BEND3: variants seen among roughly 807,000 people sequenced by gnomAD.
The protein encoded by BEND3 is BEN domain containing 3.
Under a neutral mutation model 60.1 loss-of-function variants are expected in BEND3, and 13 were observed. The ratio of observed to expected loss-of-function variants is 0.22; its 90% CI spans 0.14 to 0.34. The LOEUF (loss-of-function observed/expected upper bound fraction) is 0.34, where lower values mean the gene tolerates loss of function less well. Among genes scored for constraint, BEND3 ranks in the 10% least tolerant of loss-of-function variants. The probability of loss-of-function intolerance (pLI) is 1.00; values close to 1 mark genes in which losing one functional copy is unlikely to be tolerated. For synonymous variants in BEND3, 497 were observed against 491.5 expected (o/e 1.01, Z -0.15); for missense variants, 896 against 1,138.1 (o/e 0.79, Z 3.06).
chr6:107,110,534 G>GT (rs1276027079), intron 1 of BEND3, among the ~76,000 whole-genome samples: 1 of 152,112 alleles, frequency 6.6e-6, no homozygotes, highest in Non-Finnish European at 1.5e-5. Flanking sequence ...AAAAAAATCA[G>GT]TTTTTAGCAC....
At position 107,069,921 on chromosome 6, in the gene BEND3, C is replaced by T. The variant is rs782815529; in HGVS notation, c.1270G>A (p.Asp424Asn). 6 of 1,613,628 alleles carry T rather than the reference C, an allele frequency of 3.7e-6. No individual in the cohort carries two copies. Among genetic ancestry groups the T allele is most frequent in the Middle Eastern group, 1.7e-4 (1 of 6,060 alleles). The change falls in exon 4 of 4, where the codon GAC (aspartate) becomes AAC (asparagine). Residue 424 changes from aspartate to asparagine, a missense_variant. Physicochemically the swap from Asp to Asn is conservative, Grantham distance 23. This residue lies in a region of BEND3 where 846 missense variants were observed against 1,036.7 expected (regional missense o/e 0.82). Coordinates refer to ENST00000369042, the MANE Select transcript of BEND3 (RefSeq NM_001367314.1). ...TACTGTTCACCCAGCTTGCGGTGGTCGAAGAGCTCGGGGAAGAGCCGGTGG... is the reference window on the plus strand; with the variant it reads ...TACTGTTCACCCAGCTTGCGGTGGTTGAAGAGCTCGGGGAAGAGCCGGTGG... ...LLHRLFPELF[D>N]HRKLGEQYSC...
intron 3 of BEND3, among the ~76,000 whole-genome samples, chr6:107,080,372 A>AAC (rs1372071128): frequency 2.2e-5 from 3 of 135,250 alleles, no homozygotes; most frequent in East Asian, 2.1e-4. Flanking sequence ...AAAAAAAAAA[A>AAC]AAAAACAAAA....
chr6:107,106,802 C>G (rs1242058129), intron 1 of BEND3, among the ~76,000 whole-genome samples: 1 of 152,122 alleles, frequency 6.6e-6, no homozygotes, highest in East Asian at 1.9e-4. Flanking sequence ...GAGACAGGGT[C>G]TCCAGGTGTT....
chr6:107,084,301 A>T lies in BEND3; in HGVS notation c.241-13351T>A, dbSNP rs115026355. Reference sequence around the variant, plus strand: ...AGAGTTAAAATCTCCAAGGTTACCCAATCAGCACAGACCCCACACTTTCGT... The same window carrying T: ...AGAGTTAAAATCTCCAAGGTTACCCTATCAGCACAGACCCCACACTTTCGT... On this transcript the variant is annotated intron_variant, in intron 3 of 3. Coordinates refer to ENST00000369042, the MANE Select transcript of BEND3 (RefSeq NM_001367314.1). Among the ~76,000 whole-genome samples the T allele has an allele frequency of 2.5e-3, 378 of 152,362 alleles. 2 individuals carry two copies. Among genetic ancestry groups the T allele is most frequent in the African/African-American group, 8.7e-3 (362 of 41,596 alleles).
intron 3 of BEND3, among the ~76,000 whole-genome samples, chr6:107,076,347 G>A (rs1029208538): frequency 6.6e-6 from 1 of 152,166 alleles, no homozygotes; most frequent in Non-Finnish European, 1.5e-5. Flanking sequence ...GAACTCTGCT[G>A]TACAGCTCAG....
intron 3 of BEND3, among the ~76,000 whole-genome samples, chr6:107,087,023 TAA>T (rs58435912): frequency 7.4e-5 from 6 of 80,810 alleles, no homozygotes; most frequent in Admixed American, 1.5e-4. Context: ...AGACTCTGTC[TAA>T]AAAAAAAAAA....
At position 107,098,766 on chromosome 6, in the gene BEND3, A is replaced by G. The variant is rs1554236385; in HGVS notation, c.38-13T>C. ...ATACTTTTTAGAACTGTGTCAGAGA[A>G]GAAATAGGGCTCAGTGGGAAAAACC... On this transcript the variant is annotated splice_polypyrimidine_tract_variant and intron_variant, in intron 2 of 3. Transcript: ENST00000369042. 16 of 1,611,120 alleles carry G rather than the reference A, an allele frequency of 9.9e-6. No individual in the cohort carries two copies. In the East Asian group the frequency reaches 3.3e-4, roughly 34 times the overall value.
At chr6:107,114,916 C>T (rs1770231530) in intron 1 of BEND3, among the ~76,000 whole-genome samples, 174 bp downstream of exon 1, 2 of 149,340 alleles carry the variant, frequency 1.3e-5, no homozygotes. Flanking sequence ...TCGGCCCGCG[C>T]GGGGGTGGGC....
chr6:107,075,454 T>C (rs311232), intron 3 of BEND3, among the ~76,000 whole-genome samples: 125,620 of 152,142 alleles, frequency 0.83, 51,913 homozygotes, highest in East Asian at 0.89. Flanking sequence ...CCCTAACAAA[T>C]ACAAAGTGCC....
chr6:107,082,699 G>A (rs1046803354), intron 3 of BEND3, among the ~76,000 whole-genome samples: 2 of 152,194 alleles, frequency 1.3e-5, no homozygotes, highest in Admixed American at 6.5e-5. Context: ...AAAGTGCTGG[G>A]ATTACAGGCG....
intron 1 of BEND3, among the ~76,000 whole-genome samples, chr6:107,114,712 G>A (rs1200934694): frequency 1.4e-5 from 2 of 146,744 alleles, no homozygotes; most frequent in Non-Finnish European, 3.0e-5. Flanking sequence ...GGGGGTGCGG[G>A]GCCGGCGCGC....
intron 3 of BEND3, among the ~76,000 whole-genome samples, chr6:107,094,123 C>G (rs1775532960): frequency 6.6e-6 from 1 of 152,188 alleles, no homozygotes; most frequent in Non-Finnish European, 1.5e-5. Context: ...GTAATCCCGG[C>G]ACTTTCGAAG....
At chr6:107,085,347 C>T (rs1217280463) in intron 3 of BEND3, among the ~76,000 whole-genome samples, 2 of 152,178 alleles carry the variant, frequency 1.3e-5, no homozygotes, top group Non-Finnish European at 2.9e-5. Flanking sequence ...AGACACACTA[C>T]CTCCAAGAAC....
At chr6:107,103,724 G>A (rs564870322) in intron 1 of BEND3, among the ~76,000 whole-genome samples, 7 of 152,216 alleles carry the variant, frequency 4.6e-5, no homozygotes, top group African/African-American at 1.7e-4. Flanking sequence ...CAAGGCGGGC[G>A]GATCACCTGA....
At chr6:107,109,253 G>A (rs1775887295) in intron 1 of BEND3, among the ~76,000 whole-genome samples, 1 of 151,364 alleles carries the variant, frequency 6.6e-6, no homozygotes. Flanking sequence ...AGACCAGCCT[G>A]GCCAACATGA....
intron 3 of BEND3, among the ~76,000 whole-genome samples, chr6:107,083,149 C>T (rs1775267370): frequency 6.6e-6 from 1 of 152,162 alleles, no homozygotes; most frequent in Non-Finnish European, 1.5e-5. Flanking sequence ...TGTCTTGTAG[C>T]TTTCATCTGC....
At position 107,114,774 on chromosome 6, in the gene BEND3, AC is replaced by A. The variant is rs1452410459; in HGVS notation, c.-12+315del. On this transcript the variant is annotated intron_variant, in intron 1 of 3. Coordinates refer to ENST00000369042, the MANE Select transcript of BEND3 (RefSeq NM_001367314.1). ...CGGCGCGGACGGTTCCACCGCGCGA[AC>A]CCCCCGCCCCCGCGCGGCGCGCGTG... Among the ~76,000 whole-genome samples the A allele has an allele frequency of 6.9e-5, 10 of 144,142 alleles. No homozygotes were observed. The Middle Eastern group carries it at 0.015, about 215-fold the overall frequency. 94.6% of individuals were successfully genotyped at this position (144,142 alleles called of 152,430 possible). A position where few individuals can be genotyped will look rare whatever the true frequency, so the allele number is the denominator to read the frequency against.
At chr6:107,105,231 C>T (rs950223260) in intron 1 of BEND3, among the ~76,000 whole-genome samples, 24 of 151,878 alleles carry the variant, frequency 1.6e-4, no homozygotes, top group African/African-American at 5.8e-4. Flanking sequence ...ATTAGCTGGG[C>T]GTGGAGGCAC....
chr6:107,087,129 C>T (rs1343909530), intron 3 of BEND3, among the ~76,000 whole-genome samples: 4 of 151,538 alleles, frequency 2.6e-5, no homozygotes, highest in African/African-American at 7.3e-5. Context: ...GTCAGGAATT[C>T]GAGACCAGCC....
Sources: allele counts gnomAD v4.1 joint callset (sites outside exome capture counted in the v4.1 genomes callset), GRCh38; gene constraint gnomAD v4.1.1; regional missense constraint gnomAD v4.1.1; transcripts MANE v1.5; gene names NCBI Gene and HGNC (gene_info 2026-07-23, HGNC 2026-07-21).